The following HEY2 variants were observed in gnomAD, a reference collection of about 807,000 sequenced individuals.
HEY2 encodes the protein hes related family bHLH transcription factor with YRPW motif 2.
In HEY2, 10 loss-of-function variants were observed where a neutral mutation model predicts 18.1. The observed-to-expected ratio is 0.55, with a 90% CI of 0.34 to 0.94. HEY2 has a LOEUF of 0.94. Among genes scored for constraint, HEY2 ranks in the 40% least tolerant of loss-of-function variants. HEY2 has a pLI of 0.02. For missense variants in HEY2, 455 were observed against 455.9 expected, an observed-to-expected ratio of 1.00 and a Z score of 0.02; for synonymous variants, 210 against 182.7, an observed-to-expected ratio of 1.15 and a Z score of -1.21.
At position 125,751,806 on chromosome 6, in the gene HEY2, G is replaced by A. The variant is rs748098295; in HGVS notation, c.89G>A (p.Ser30Asn). 7.5e-6 allele frequency: 12 copies of A among 1,610,142 alleles called. No homozygotes were observed. Among genetic ancestry groups the A allele is most frequent in the Non-Finnish European group, 1.0e-5 (12 of 1,176,708 alleles). The change falls in exon 2 of 5, where the codon AGT (serine) becomes AAT (asparagine). Residue 30 changes from serine to asparagine, a missense_variant. By Grantham distance (46) the Ser-to-Asn change is conservative (BLOSUM62 1). Coordinates refer to ENST00000368364, the MANE Select transcript of HEY2 (RefSeq NM_012259.3). Reference protein sequence around the residue: ...VGSENNYSGQSTSSVIRLNSP... With the variant: ...VGSENNYSGQNTSSVIRLNSP... ...ATACTCTTCTTATTTCATAGGCAAA[G>A]TACTAGCTCTGTGATTAGATTGAAT... is the stretch of plus-strand genomic sequence containing the variant.
chr6:125,750,390 A>G lies in HEY2; in HGVS notation c.83+531A>G, dbSNP rs1773519488. 3.0e-6 allele frequency: 3 copies of G among 985,302 alleles called. No individual in the cohort carries two copies. The African/African-American group carries it at 5.2e-5, about 17-fold the overall frequency. 61.0% of individuals were successfully genotyped at this position (985,302 alleles called of 1,614,324 possible). A position where few individuals can be genotyped will look rare whatever the true frequency, so the allele number is the denominator to read the frequency against. ...GCAAGAGTGAGTGACAGATGTAAGC[A>G]TCGGAAAGGGCATCATTTCTTTGAC... On this transcript the variant is annotated intron_variant, in intron 1 of 4. Transcript: ENST00000368364.
chr6:125,757,241 G>A (rs1313158839), intron 4 of HEY2, among the ~76,000 whole-genome samples: 1 of 152,182 alleles, frequency 6.6e-6, no homozygotes, highest in East Asian at 1.9e-4. Context: ...TCTCATGGGA[G>A]TCAGAAGTCT....
chr6:125,750,154 G>C (rs1722940798), intron 1 of HEY2: 1 of 729,410 alleles, frequency 1.4e-6, no homozygotes, highest in South Asian at 6.1e-5. Flanking sequence ...CGCGCGAACG[G>C]CAGCGTCTGG....
chr6:125,750,290 G>A, intron 1 of HEY2: 2 of 985,346 alleles, frequency 2.0e-6, no homozygotes, highest in Non-Finnish European at 2.4e-6. Flanking sequence ...GATTTTTGGA[G>A]GAATTAAAGC....
Position 125,759,698 on chromosome 6 carries a change from AG to A in HEY2, c.911del (p.Ser304ThrfsTer43), listed in dbSNP as rs1382135280. On this transcript the variant is annotated frameshift_variant, in exon 5 of 5. Coordinates refer to ENST00000368364, the MANE Select transcript of HEY2 (RefSeq NM_012259.3). LOFTEE classifies it high-confidence loss of function. Reference protein sequence around the residue: ...AAAVAAATAISPPLSVSATSS... With the variant: ...AAAVAAATAIXPPLSVSATSS... ...AGCAGTGGCCGCGGCCACAGCCATCAGCCCGCCCTTGTCAGTATCAGCCACG... is the reference window on the plus strand; with the variant it reads ...AGCAGTGGCCGCGGCCACAGCCATCACCCGCCCTTGTCAGTATCAGCCACG... The A allele has an allele frequency of 6.2e-7, 1 of 1,613,004 alleles. No homozygotes were observed. Among genetic ancestry groups the A allele is most frequent in the African/African-American group, 1.3e-5 (1 of 74,922 alleles).
chr6:125,752,800 G>A (rs1773579979), intron 3 of HEY2, among the ~76,000 whole-genome samples: 2 of 152,202 alleles, frequency 1.3e-5, no homozygotes, highest in African/African-American at 4.8e-5. Flanking sequence ...TGCCGCAGTG[G>A]TTAATGACAC....
chr6:125,759,237 G>C lies in HEY2; in HGVS notation c.449G>C (p.Arg150Pro), dbSNP rs371715124. ...VEGLDSSDPL[R>P]VRLVSHLSTC... ...GGCCTGGACTCCTCGGATCCGCTGC[G>C]GGTGCGGCTTGTGTCTCATCTCAGC... Residue 150 changes from arginine (R) to proline (P), a missense_variant, in exon 5 of 5, where the codon CGG (arginine) becomes CCG (proline). Coordinates refer to ENST00000368364, the MANE Select transcript of HEY2 (RefSeq NM_012259.3). The C allele has an allele frequency of 6.8e-6, 11 of 1,611,276 alleles. No individual in the cohort carries two copies. The highest frequency in any genetic ancestry group is 1.3e-5 in the African/African-American group (1 of 74,904).
chr6:125,752,744 C>T (rs1773579208), intron 3 of HEY2, among the ~76,000 whole-genome samples: 5 of 152,088 alleles, frequency 3.3e-5, no homozygotes, highest in Admixed American at 3.3e-4. Flanking sequence ...AGTAGAAAGC[C>T]AAATGTTTAA....
Position 125,760,719 on chromosome 6 carries a change from G to T in HEY2, c.*917G>T, listed in dbSNP as rs541487154. The T allele has an allele frequency of 1.3e-5, 2 of 152,526 alleles. No individual in the cohort carries two copies. The highest frequency in any genetic ancestry group is 1.3e-4 in the Admixed American group (2 of 15,290). The allele number at this position is 152,526 out of a possible 1,614,324, so 9.4% of individuals were successfully genotyped here. A position where few individuals can be genotyped will look rare whatever the true frequency, so the allele number is the denominator to read the frequency against. ...GGTTTAATTTATTCAGTTTCATTAG[G>T]ACTATTTTTATATATTTATCCTCTT... is the stretch of plus-strand genomic sequence containing the variant. On this transcript the variant is annotated 3_prime_UTR_variant, in exon 5 of 5. Transcript: ENST00000368364.
At chr6:125,753,966 T>G (rs192351534) in intron 3 of HEY2, among the ~76,000 whole-genome samples, 2 of 152,294 alleles carry the variant, frequency 1.3e-5, no homozygotes, top group Admixed American at 1.3e-4. Flanking sequence ...CAGGACTTAG[T>G]AGGCCTGTGA....
Position 125,759,808 on chromosome 6 carries a change from T to C in HEY2, c.*6T>C. ...CAGAAGTTGGAGCTTTTTAAATTTT[T>C]CTTGAACTTCTTGCAATAGTAACTG... On this transcript the variant is annotated 3_prime_UTR_variant, in exon 5 of 5. Coordinates refer to ENST00000368364, the MANE Select transcript of HEY2 (RefSeq NM_012259.3). 1 of 1,610,520 alleles carries C rather than the reference T, an allele frequency of 6.2e-7. No individual in the cohort carries two copies. Among genetic ancestry groups the C allele is most frequent in the Non-Finnish European group, 8.5e-7 (1 of 1,177,492 alleles).
chr6:125,758,325 AT>A (rs971255365), intron 4 of HEY2, among the ~76,000 whole-genome samples: 4 of 152,010 alleles, frequency 2.6e-5, no homozygotes, highest in African/African-American at 4.8e-5. Context: ...ATTAATATAC[AT>A]TTTTTTTCTT....
chr6:125,750,730 GTGT>G (rs567204370), intron 1 of HEY2, among the ~76,000 whole-genome samples: 255 of 152,340 alleles, frequency 1.7e-3, no homozygotes, highest in African/African-American at 5.5e-3. Flanking sequence ...GATCATTAAA[GTGT>G]TGTTGTGCCG....
chr6:125,753,277 G>A lies in HEY2; in HGVS notation c.246+1187G>A, dbSNP rs967715526. ...GAAATGTCTGCAGTTATGAGGCGAA[G>A]TCTGTTTGATTTTTTTTCTTGGTTT... On this transcript the variant is annotated intron_variant, in intron 3 of 4. Transcript: ENST00000368364. Among the ~76,000 whole-genome samples, 55 of 152,240 alleles carry A rather than the reference G, an allele frequency of 3.6e-4. 1 individual carries two copies. Among genetic ancestry groups the A allele is most frequent in the African/African-American group, 1.3e-3 (53 of 41,542 alleles).
chr6:125,750,205 G>A (rs1223003369), intron 1 of HEY2: 1 of 973,590 alleles, frequency 1.0e-6, no homozygotes, highest in African/African-American at 1.8e-5. Flanking sequence ...GTATTTGGGG[G>A]CACTTTCAAA....
chr6:125,754,089 A>G (rs1773604408), intron 3 of HEY2, among the ~76,000 whole-genome samples: 1 of 152,222 alleles, frequency 6.6e-6, no homozygotes, highest in Admixed American at 6.5e-5. Flanking sequence ...GGCTTTATAG[A>G]AGACTATTGA....
rs763035505 is a variant in HEY2 at position 125,752,004 on chromosome 6, T to G, written c.163-3T>G. 1 of 1,612,602 alleles carries G rather than the reference T, an allele frequency of 6.2e-7. No individual in the cohort carries two copies. Among genetic ancestry groups the G allele is most frequent in the Non-Finnish European group, 8.5e-7 (1 of 1,178,660 alleles). The stretch of plus-strand genomic sequence containing the variant: ...ACTTTTGTTGTTTGCTTCTTTTGGA[T>G]AGATTATAGAGAAAAGGCGTCGGGA... On this transcript the variant is annotated splice_polypyrimidine_tract_variant and splice_region_variant and intron_variant, in intron 2 of 4. Coordinates refer to ENST00000368364, the MANE Select transcript of HEY2 (RefSeq NM_012259.3).
Position 125,759,864 on chromosome 6 carries a change from CCT to C in HEY2, c.*65_*66del. The C allele has an allele frequency of 7.3e-7, 1 of 1,365,696 alleles. No individual in the cohort carries two copies. Among genetic ancestry groups the C allele is most frequent in the Admixed American group, 1.9e-5 (1 of 52,128 alleles). 84.6% of individuals were successfully genotyped at this position (1,365,696 alleles called of 1,614,324 possible). A position where few individuals can be genotyped will look rare whatever the true frequency, so the allele number is the denominator to read the frequency against. Reference sequence around the variant, plus strand: ...CCTCCATTTCAGAGTCAGCTTAAAACCTCTGCACCCTGAAGGTAGCCATACAG... The same window carrying C: ...CCTCCATTTCAGAGTCAGCTTAAAACCTGCACCCTGAAGGTAGCCATACAG... On this transcript the variant is annotated 3_prime_UTR_variant, in exon 5 of 5. Transcript: ENST00000368364.
At chr6:125,752,553 A>C (rs1217528263) in intron 3 of HEY2, among the ~76,000 whole-genome samples, 3 of 152,090 alleles carry the variant, frequency 2.0e-5, no homozygotes, top group African/African-American at 7.2e-5. Context: ...ATACCACTAA[A>C]ATTTATTTAC....
Sources: gnomAD v4.1 joint callset for allele counts (sites outside exome capture counted in the v4.1 genomes callset) on GRCh38, gnomAD v4.1.1 for gene constraint, MANE v1.5 for transcripts, NCBI Gene and HGNC (gene_info 2026-07-23, HGNC 2026-07-21) for gene names.